Variants in FAN1 observed in about 807,000 individuals in gnomAD.
FAN1 encodes FANCD2 and FANCI associated nuclease 1, also known as fanconi-associated nuclease 1.
Under a neutral mutation model 104.9 loss-of-function variants are expected in FAN1, and 91 were observed. That is an observed-to-expected ratio of 0.87 (90% CI 0.73 to 1.03). FAN1 has a LOEUF of 1.03. Ranked by LOEUF, FAN1 falls within the 50% of genes least tolerant of loss-of-function variation. The pLI, the probability that FAN1 is intolerant of heterozygous loss-of-function variation, is 0.00. For synonymous variants in FAN1, 478 were observed against 457.6 expected, an observed-to-expected ratio of 1.04 and a Z score of -0.57; for missense variants, 1,263 against 1,239.9, an observed-to-expected ratio of 1.02 and a Z score of -0.28.
rs764321352 is a variant in FAN1, at chr15:30,941,281, A to C, written c.*4-285A>C. On this transcript the variant is annotated intron_variant, in intron 14 of 14. Transcript: ENST00000362065. The stretch of plus-strand genomic sequence containing the variant: ...GTAATGACAGAAAGAGGACAGGAAC[A>C]AAATTTACATCTCTCTTAAAATAAG... 2.7e-6 allele frequency: 4 copies of C among 1,500,934 alleles called. No individual in the cohort carries two copies. In the South Asian group the frequency reaches 4.8e-5, roughly 18 times the overall value. 93.0% of individuals were successfully genotyped at this position (1,500,934 alleles called of 1,614,324 possible).
intron 14 of FAN1, 33 bp downstream of exon 14, chr15:30,937,292 A>G: frequency 6.3e-7 from 1 of 1,578,836 alleles, no homozygotes; most frequent in Non-Finnish European, 8.6e-7. Flanking sequence ...TCATACATTA[A>G]TGTAAGATTT....
At position 30,905,033 on chromosome 15, in the gene FAN1, A is replaced by G. The variant is rs748650687; in HGVS notation, c.370A>G (p.Lys124Glu). The part of the protein sequence containing the change: ...SDSAKREVKQ[K>E]ISPYFKSNDV... ...TTCAGCAAAAAGGGAAGTAAAGCAG[A>G]AGATCAGTCCCTACTTTAAAAGTAA... The change falls in exon 2 of 15, where the codon AAG (lysine) becomes GAG (glutamate). Residue 124 changes from lysine (K) to glutamate (E), a missense_variant. Transcript: ENST00000362065. 4 of 1,613,906 alleles carry G rather than the reference A, an allele frequency of 2.5e-6. No individual in the cohort carries two copies. The highest frequency in any genetic ancestry group is 1.7e-5 in the Admixed American group (1 of 60,006).
chr15:30,929,670 TAA>T (rs1491306670), intron 12 of FAN1, among the ~76,000 whole-genome samples: 10 of 67,452 alleles, frequency 1.5e-4, no homozygotes, highest in Non-Finnish European at 2.7e-4. Flanking sequence ...ATGAAATATA[TAA>T]TATATCATAT....
chr15:30,915,815 GAA>G (rs1028268631), intron 5 of FAN1, among the ~76,000 whole-genome samples: 1 of 149,962 alleles, frequency 6.7e-6, no homozygotes, highest in Non-Finnish European at 1.5e-5. Flanking sequence ...TAGGTCTTAG[GAA>G]AAAAAATTTG....
At position 30,941,607 on chromosome 15, in the gene FAN1, C is replaced by A; in HGVS notation, c.*45C>A. ...AATGGAAATGAGGAGGAGAGAAACT[C>A]CGGTGTCCCCGAGGTGTCGGTGTGG... is the stretch of plus-strand genomic sequence containing the variant. On this transcript the variant is annotated 3_prime_UTR_variant, in exon 15 of 15. Coordinates refer to ENST00000362065, the MANE Select transcript of FAN1 (RefSeq NM_014967.5). The A allele has an allele frequency of 6.2e-7, 1 of 1,600,162 alleles. No individual in the cohort carries two copies. The highest frequency in any genetic ancestry group is 8.5e-7 in the Non-Finnish European group (1 of 1,172,910).
chr15:30,924,064 A>G (rs2062400020), intron 8 of FAN1, among the ~76,000 whole-genome samples: 1 of 152,082 alleles, frequency 6.6e-6, no homozygotes. Flanking sequence ...GTGCCTGTTC[A>G]TTTCATTCAT....
intron 4 of FAN1, among the ~76,000 whole-genome samples, chr15:30,912,150 C>T (rs908362905): frequency 6.6e-6 from 1 of 151,890 alleles, no homozygotes; most frequent in Non-Finnish European, 1.5e-5. Context: ...TATTTTATCT[C>T]TAACTTTGGA....
At chr15:30,932,716 C>CCTT (rs1555403940) in intron 13 of FAN1, among the ~76,000 whole-genome samples, 1 of 134,378 alleles carries the variant, frequency 7.4e-6, no homozygotes, top group African/African-American at 2.8e-5. Context: ...TGTTTCTTTT[C>CCTT]TTTTTTTTTT....
chr15:30,938,881 G>GCCTT, intron 14 of FAN1: 14 of 970,414 alleles, frequency 1.4e-5, no homozygotes, highest in Non-Finnish European at 1.7e-5. Flanking sequence ...AGGAGAAGAT[G>GCCTT]CCTTCACCTC....
Position 30,925,224 on chromosome 15 carries a change from C to A in FAN1, c.2270C>A (p.Pro757Gln). The change falls in exon 9 of 15, where the codon CCG becomes CAG. Residue 757 changes from proline (P) to glutamine (Q), a missense_variant. By Grantham distance (76) the Pro-to-Gln change is moderately conservative (BLOSUM62 -1). Transcript: ENST00000362065. ...CGAGCCGTGCGCCTGCGAGAGTCTC[C>A]GAGCTGTAAAAAGTTCAAGCACCTC... ...YQRAVRLRES[P>Q]SCKKFKHLFQ... The A allele has an allele frequency of 6.2e-7, 1 of 1,613,998 alleles. No homozygotes were observed. Among genetic ancestry groups the A allele is most frequent in the Non-Finnish European group, 8.5e-7 (1 of 1,179,998 alleles).
Position 30,918,338 on chromosome 15 carries a change from C to T in FAN1, c.1943+43C>T, listed in dbSNP as rs138054937. The T allele has an allele frequency of 9.8e-5, 157 of 1,597,264 alleles. 1 individual carries two copies. In the East Asian group the frequency reaches 3.2e-3, roughly 32 times the overall value. On this transcript the variant is annotated intron_variant, in intron 6 of 14. Transcript: ENST00000362065. ...TACCTGCCAAAATTTATACATTGAC[C>T]AAGTTGTTCCCAACACTTACAGTAA...
Position 30,904,623 on chromosome 15 carries a change from C to A in FAN1, c.-41C>A. 8 of 1,592,594 alleles carry A rather than the reference C, an allele frequency of 5.0e-6. No homozygotes were observed. The highest frequency in any genetic ancestry group is 1.7e-4 in the Middle Eastern group (1 of 6,008). On this transcript the variant is annotated 5_prime_UTR_variant, in exon 2 of 15. It adds an upstream start codon to the 5' untranslated region. Coordinates refer to ENST00000362065, the MANE Select transcript of FAN1 (RefSeq NM_014967.5). ...ATTGCTATCTTTCACCTTAAATATC[C>A]TGTGTTTTATTGCTCAGAACATCCA...
rs2063086912 is a variant in FAN1 at position 30,942,440 on chromosome 15, T to C, written c.*878T>C. The C allele has an allele frequency of 3.1e-6, 1 of 317,772 alleles. No homozygotes were observed. The highest frequency in any genetic ancestry group is 5.7e-5 in the South Asian group (1 of 17,582). 19.7% of individuals were successfully genotyped at this position (317,772 alleles called of 1,614,324 possible). ...GTCAGGAGGCCAAATGTCTGATTCT[T>C]TGTTCTGTACCTTTCAGTAGTCTGC... On this transcript the variant is annotated 3_prime_UTR_variant, in exon 15 of 15. Coordinates refer to ENST00000362065, the MANE Select transcript of FAN1 (RefSeq NM_014967.5).
Position 30,941,701 on chromosome 15 carries a change from A to G in FAN1, c.*139A>G, listed in dbSNP as rs1333774748. 3 of 1,613,778 alleles carry G rather than the reference A, an allele frequency of 1.9e-6. No individual in the cohort carries two copies. Among genetic ancestry groups the G allele is most frequent in the African/African-American group, 1.3e-5 (1 of 74,924 alleles). On this transcript the variant is annotated 3_prime_UTR_variant, in exon 15 of 15. Coordinates refer to ENST00000362065, the MANE Select transcript of FAN1 (RefSeq NM_014967.5). ...CCCCATAGCAGGCCTCCAGGGGGCC[A>G]CTGCGCTGTTGCCGCAGCATCCTGC...
rs1364541290 is a variant in FAN1, at chr15:30,928,594, C to T, written c.2530C>T (p.Leu844Phe). ...GTCCACCTTCAGCACCCTGTATGGC[C>T]TCCTCCTGTGGGACATCATCTTCAT... ...EGSTFSTLYG[L>F]LLWDIIFMDG... The change falls in exon 11 of 15, where the codon CTC (leucine) becomes TTC (phenylalanine). Residue 844 changes from leucine (L) to phenylalanine (F), a missense_variant. Leu to Phe is a conservative substitution (Grantham distance 22). Transcript: ENST00000362065. The T allele has an allele frequency of 1.2e-6, 2 of 1,612,646 alleles. No homozygotes were observed.
chr15:30,936,716 C>T (rs890591023), intron 13 of FAN1, among the ~76,000 whole-genome samples: 1 of 152,196 alleles, frequency 6.6e-6, no homozygotes, highest in Non-Finnish European at 1.5e-5. Context: ...CTTAGCTTAG[C>T]CTACCTTAAA....
chr15:30,922,401 C>G (rs1271306005), intron 8 of FAN1, 47 bp downstream of exon 8: 2 of 1,557,304 alleles, frequency 1.3e-6, no homozygotes, highest in Admixed American at 2.1e-5. Context: ...ATTTTAGAAT[C>G]AACTTTTAAA....
Position 30,941,943 on chromosome 15 carries a change from C to G in FAN1, c.*381C>G, listed in dbSNP as rs534898131. The stretch of plus-strand genomic sequence containing the variant: ...TGCTCCGTATCACTGTTCTGGCTGT[C>G]GGTTTGCTGAGCTGGATCTGGCTTT... On this transcript the variant is annotated 3_prime_UTR_variant, in exon 15 of 15. Transcript: ENST00000362065. 1 of 1,613,976 alleles carries G rather than the reference C, an allele frequency of 6.2e-7. No individual in the cohort carries two copies. Among genetic ancestry groups the G allele is most frequent in the Non-Finnish European group, 8.5e-7 (1 of 1,179,890 alleles).
chr15:30,920,319 GTTTAGAA>G, intron 6 of FAN1, among the ~76,000 whole-genome samples: 1 of 152,346 alleles, frequency 6.6e-6, no homozygotes, highest in South Asian at 2.1e-4. Flanking sequence ...GCTGACCTTG[GTTTAGAA>G]TGATGAGTTC....
Sources: allele counts gnomAD v4.1 joint callset (sites outside exome capture counted in the v4.1 genomes callset), GRCh38; gene constraint gnomAD v4.1.1; transcripts MANE v1.5; gene names NCBI Gene and HGNC (gene_info 2026-07-23, HGNC 2026-07-21).